Variants in ZSWIM6 observed in about 807,000 individuals in gnomAD.
The protein encoded by ZSWIM6 is zinc finger SWIM domain-containing protein 6.
A neutral mutation model predicts 113.2 loss-of-function variants in ZSWIM6; 9 were observed. The observed-to-expected ratio is 0.08, with a 90% CI of 0.05 to 0.14. The LOEUF is 0.14. Among genes scored for constraint, ZSWIM6 ranks in the 10% least tolerant of loss-of-function variants. The pLI is 1.00. For missense variants in ZSWIM6, 1,162 were observed against 1,552.2 expected (o/e 0.75, Z 4.22); for synonymous variants, 611 against 606.5 (o/e 1.01, Z -0.11).
Position 61,369,715 on chromosome 5 carries a change from C to G in ZSWIM6, c.676+36767C>G, listed in dbSNP as rs182467199. Reference sequence around the variant, plus strand: ...CTTGTATACCTCCTCAAGCACAGCTCTGTATACTTACGTGAGAACCACCCA... The same window carrying G: ...CTTGTATACCTCCTCAAGCACAGCTGTGTATACTTACGTGAGAACCACCCA... On this transcript the variant is annotated intron_variant, in intron 1 of 13. Coordinates refer to ENST00000252744, the MANE Select transcript of ZSWIM6 (RefSeq NM_020928.2). Among the ~76,000 whole-genome samples the G allele has an allele frequency of 6.6e-5, 10 of 152,298 alleles. No individual in the cohort carries two copies. In the East Asian group the frequency reaches 1.9e-3, roughly 29 times the overall value.
intron 1 of ZSWIM6, among the ~76,000 whole-genome samples, chr5:61,404,719 A>T (rs992673919): frequency 6.6e-6 from 1 of 152,144 alleles, no homozygotes; most frequent in Non-Finnish European, 1.5e-5. Flanking sequence ...TGCTCCTTTC[A>T]TGGCTCTGCC....
intron 4 of ZSWIM6, among the ~76,000 whole-genome samples, chr5:61,501,644 A>G (rs1192332460): frequency 6.6e-6 from 1 of 152,224 alleles, no homozygotes; most frequent in Non-Finnish European, 1.5e-5. Flanking sequence ...ACCATATGCT[A>G]AACATGGAGA....
chr5:61,364,381 A>C (rs973024965), intron 1 of ZSWIM6, among the ~76,000 whole-genome samples: 1 of 152,154 alleles, frequency 6.6e-6, no homozygotes, highest in Non-Finnish European at 1.5e-5. Context: ...CTGGCCTGCC[A>C]CCTGTTTTTG....
At position 61,525,881 on chromosome 5, in the gene ZSWIM6, A is replaced by G; in HGVS notation, c.1595A>G (p.Gln532Arg). ...CTCCACTGGCAGGATAGCCACTTGC[A>G]GCACATTATCAGCAGTGACCTATAC... ...CDLHWQDSHLQHIISSDLYTN... is the reference protein window; with the variant it reads ...CDLHWQDSHLRHIISSDLYTN... Residue 532 changes from glutamine to arginine, a missense_variant, in exon 6 of 14, where the codon CAG becomes CGG. Physicochemically the swap from Gln to Arg is conservative, Grantham distance 43. Around this residue, in one of 4 missense-constraint regions of ZSWIM6, gnomAD observed 620 missense variants for 804.6 expected, o/e 0.77. Transcript: ENST00000252744. The G allele has an allele frequency of 6.4e-7, 1 of 1,552,008 alleles. No individual in the cohort carries two copies. The highest frequency in any genetic ancestry group is 8.7e-7 in the Non-Finnish European group (1 of 1,147,036).
At position 61,494,388 on chromosome 5, in the gene ZSWIM6, C is replaced by T; in HGVS notation, c.1311C>T (p.Tyr437=). 1 of 1,551,022 alleles carries T rather than the reference C, an allele frequency of 6.4e-7. No homozygotes were observed. The highest frequency in any genetic ancestry group is 1.7e-4 in the Middle Eastern group (1 of 5,956). ...AAGGCACTGCAATGACTGACAAATA[C>T]AGGCAGCTCTGGGATGAGCTGGGTA... ...RQQGTAMTDK[Y]RQLWDELGAL... is the part of the protein sequence containing the mutation. The change falls in exon 4 of 14, where the codon TAC becomes TAT. Residue 437 remains tyrosine, a synonymous_variant. Coordinates refer to ENST00000252744, the MANE Select transcript of ZSWIM6 (RefSeq NM_020928.2).
intron 2 of ZSWIM6, among the ~76,000 whole-genome samples, chr5:61,485,174 C>T (rs1339010479): frequency 2.6e-5 from 4 of 152,122 alleles, no homozygotes; most frequent in Admixed American, 6.6e-5. Flanking sequence ...AATTCTTGCT[C>T]TCATGGAGCT....
intron 1 of ZSWIM6, among the ~76,000 whole-genome samples, chr5:61,398,197 C>T (rs182541504): frequency 1.3e-5 from 2 of 152,260 alleles, no homozygotes; most frequent in Admixed American, 6.5e-5. Flanking sequence ...GGCCACACAG[C>T]AGGAGGTGAG....
intron 1 of ZSWIM6, among the ~76,000 whole-genome samples, chr5:61,358,077 A>G (rs1056771745): frequency 6.6e-6 from 1 of 152,138 alleles, no homozygotes; most frequent in African/African-American, 2.4e-5. Flanking sequence ...AAGTTCCACC[A>G]TTTTGTATGT....
intron 7 of ZSWIM6, among the ~76,000 whole-genome samples, chr5:61,526,630 G>A (rs748930869): frequency 6.6e-6 from 1 of 151,944 alleles, no homozygotes; most frequent in Non-Finnish European, 1.5e-5. Flanking sequence ...CTTTTTTAAG[G>A]GGGATAATTT....
intron 1 of ZSWIM6, among the ~76,000 whole-genome samples, chr5:61,334,591 T>C (rs1013373758): frequency 1.3e-5 from 2 of 152,262 alleles, no homozygotes; most frequent in Admixed American, 1.3e-4. Context: ...ATTTGAATTC[T>C]AATGCCATCT....
chr5:61,448,219 T>G (rs1235069808), intron 1 of ZSWIM6, among the ~76,000 whole-genome samples: 1 of 152,234 alleles, frequency 6.6e-6, no homozygotes, highest in African/African-American at 2.4e-5. Flanking sequence ...ATTAGCATCA[T>G]AGCCTCTCTG....
intron 1 of ZSWIM6, among the ~76,000 whole-genome samples, chr5:61,358,130 A>G (rs904693634): frequency 2.0e-5 from 3 of 151,952 alleles, no homozygotes; most frequent in Admixed American, 2.0e-4. Context: ...TTACTTTTCC[A>G]GTGTTCTCTT....
chr5:61,353,452 G>A (rs1744832873), intron 1 of ZSWIM6, among the ~76,000 whole-genome samples: 1 of 152,142 alleles, frequency 6.6e-6, no homozygotes, highest in South Asian at 2.1e-4. Context: ...GCTCTCAAGT[G>A]GGATCATGTT....
At chr5:61,415,224 A>G (rs906806975) in intron 1 of ZSWIM6, among the ~76,000 whole-genome samples, 3 of 152,256 alleles carry the variant, frequency 2.0e-5, no homozygotes, top group African/African-American at 7.2e-5. Flanking sequence ...AGTAGAGCCT[A>G]GAAAGTAATT....
chr5:61,432,771 TA>T (rs1746614872), intron 1 of ZSWIM6, among the ~76,000 whole-genome samples: 2 of 152,198 alleles, frequency 1.3e-5, no homozygotes, highest in Non-Finnish European at 2.9e-5. Flanking sequence ...AGGAAGTAGA[TA>T]AAAGATTTTA....
chr5:61,479,916 CTTTT>C (rs57327797), intron 2 of ZSWIM6, among the ~76,000 whole-genome samples: 1 of 148,342 alleles, frequency 6.7e-6, no homozygotes, highest in Non-Finnish European at 1.5e-5. Context: ...TGTGAACCAG[CTTTT>C]TTTTTTTAAG....
At chr5:61,515,215 A>T (rs570065588) in intron 4 of ZSWIM6, among the ~76,000 whole-genome samples, 1 of 151,602 alleles carries the variant, frequency 6.6e-6, no homozygotes, top group South Asian at 2.1e-4. Context: ...TGCAACCTCC[A>T]CCTCCCTGGT....
chr5:61,450,796 C>T (rs1476443961), intron 1 of ZSWIM6, among the ~76,000 whole-genome samples: 2 of 152,026 alleles, frequency 1.3e-5, no homozygotes, highest in African/African-American at 4.8e-5. Context: ...CAGGGATAAG[C>T]CCGTGCTCAA....
chr5:61,451,338 C>T (rs1360455185), intron 1 of ZSWIM6, among the ~76,000 whole-genome samples: 1 of 151,882 alleles, frequency 6.6e-6, no homozygotes, highest in Non-Finnish European at 1.5e-5. Flanking sequence ...AAATTATGAT[C>T]CTATTTAAGT....
Sources: allele counts gnomAD v4.1 joint callset (sites outside exome capture counted in the v4.1 genomes callset), GRCh38; gene constraint gnomAD v4.1.1; regional missense constraint gnomAD v4.1.1; transcripts MANE v1.5; gene names NCBI Gene and HGNC (gene_info 2026-07-23, HGNC 2026-07-21).